ACSF2: variants seen among roughly 807,000 people sequenced by gnomAD.
The protein encoded by ACSF2 is acyl-CoA synthetase family member 2, also known as medium-chain acyl-CoA ligase ACSF2, mitochondrial.
ACSF2 carries 52 observed loss-of-function variants against 79.3 expected under a neutral mutation model. That is an observed-to-expected ratio of 0.66 (90% CI 0.53 to 0.83). ACSF2 has a LOEUF of 0.83. Among genes scored for constraint, ACSF2 ranks in the 40% least tolerant of loss-of-function variants. The probability of loss-of-function intolerance (pLI) is 0.00; values close to 1 mark genes in which losing one functional copy is unlikely to be tolerated. For synonymous variants in ACSF2, 283 were observed against 312.6 expected, an observed-to-expected ratio of 0.91 and a Z score of 1.00; for missense variants, 661 against 803.3, an observed-to-expected ratio of 0.82 and a Z score of 2.14.
At chr17:50,446,933 A>G (rs2031341167) in intron 1 of ACSF2, among the ~76,000 whole-genome samples, 1 of 152,224 alleles carries the variant, frequency 6.6e-6, no homozygotes, top group South Asian at 2.1e-4. Flanking sequence ...AAATGATACA[A>G]ATATCCTAGT....
At chr17:50,429,674 C>T (rs1011180060) in intron 1 of ACSF2, among the ~76,000 whole-genome samples, 18 of 152,102 alleles carry the variant, frequency 1.2e-4, no homozygotes, top group African/African-American at 4.3e-4. Context: ...TGTGCGCCAC[C>T]CGCCCAGCTA....
intron 10 of ACSF2, 93 bp downstream of exon 10, chr17:50,464,387 AAAG>A (rs747145802): frequency 6.2e-6 from 8 of 1,291,794 alleles, no homozygotes; most frequent in Non-Finnish European, 9.0e-6. Flanking sequence ...CCAGATGTTC[AAAG>A]GAGACCCTCT....
rs572925085 is a variant in ACSF2 at position 50,464,777 on chromosome 17, G to T, written c.1215+483G>T. 20 of 331,144 alleles carry T rather than the reference G, an allele frequency of 6.0e-5. No individual in the cohort carries two copies. The East Asian group carries it at 8.6e-4, about 14-fold the overall frequency. The allele number at this position is 331,144 out of a possible 1,614,324, so 20.5% of individuals were successfully genotyped here. A position where few individuals can be genotyped will look rare whatever the true frequency, so the allele number is the denominator to read the frequency against. On this transcript the variant is annotated intron_variant, in intron 10 of 15. Coordinates refer to ENST00000300441, the MANE Select transcript of ACSF2 (RefSeq NM_025149.6). ...TGTGGTTCTGATTGACTTGGGGGGG[G>T]GGTCTCAGCAACAGCTTCTCCAAGA...
chr17:50,434,781 A>G (rs1324644544), intron 1 of ACSF2, among the ~76,000 whole-genome samples: 2 of 152,028 alleles, frequency 1.3e-5, no homozygotes, highest in Admixed American at 1.3e-4. Flanking sequence ...CAGAGGTCAC[A>G]TACTCCTCAG....
At chr17:50,434,992 TC>T (rs1228711254) in intron 1 of ACSF2, among the ~76,000 whole-genome samples, 2 of 152,156 alleles carry the variant, frequency 1.3e-5, no homozygotes, top group African/African-American at 4.8e-5. Context: ...TGCCTCAGCC[TC>T]CCAAGTAGCT....
chr17:50,471,080 A>C lies in ACSF2; in HGVS notation c.1268A>C (p.Glu423Ala). The C allele has an allele frequency of 6.2e-7, 1 of 1,613,952 alleles. No homozygotes were observed. The highest frequency in any genetic ancestry group is 8.5e-7 in the Non-Finnish European group (1 of 1,180,000). Residue 423 changes from glutamate (E) to alanine (A), a missense_variant, in exon 11 of 16, where the codon GAG becomes GCG. Coordinates refer to ENST00000300441, the MANE Select transcript of ACSF2 (RefSeq NM_025149.6). This position sits in a 1 kb window ranked among gnomAD's most constrained non-coding sequence, Gnocchi z 4.1. ...CCCGTGACATTCGCGCACTTCCCTGAGGACACTGTGGAGCAGAAGGCAGAA... is the reference window on the plus strand; with the variant it reads ...CCCGTGACATTCGCGCACTTCCCTGCGGACACTGTGGAGCAGAAGGCAGAA... ...NSPVTFAHFP[E>A]DTVEQKAESV...
intron 11 of ACSF2, chr17:50,472,172 G>A (rs1448879273): frequency 6.3e-6 from 3 of 479,206 alleles, no homozygotes; most frequent in African/African-American, 4.1e-5. Context: ...GCAGCTGCCT[G>A]CCCACTCTGT....
Position 50,462,445 on chromosome 17 carries a change from T to C in ACSF2, c.652T>C (p.Ser218Pro). Residue 218 changes from serine (S) to proline (P), a missense_variant, in exon 6 of 16, where the codon TCG (serine) becomes CCG (proline). By Grantham distance (74) the Ser-to-Pro change is moderately conservative. Transcript: ENST00000300441. ...GCTCCCAGATCTGACCACAGTCATC[T>C]CGGTGGATGCCCCTTTGCCGGGGAC... ...QRLPDLTTVI[S>P]VDAPLPGTLL... The C allele has an allele frequency of 1.3e-6, 2 of 1,591,564 alleles. No individual in the cohort carries two copies. The highest frequency in any genetic ancestry group is 1.7e-6 in the Non-Finnish European group (2 of 1,166,314).
intron 10 of ACSF2, among the ~76,000 whole-genome samples, chr17:50,466,247 C>T (rs572341176): frequency 1.1e-3 from 158 of 144,714 alleles, no homozygotes; most frequent in Non-Finnish European, 2.2e-3. Flanking sequence ...CCACCATGCC[C>T]GGCTAATTTT....
rs1408964002 is a variant in ACSF2, at chr17:50,474,666, A to G, written c.*114A>G. 1.8e-6 allele frequency: 2 copies of G among 1,140,570 alleles called. No individual in the cohort carries two copies. The highest frequency in any genetic ancestry group is 2.6e-6 in the Non-Finnish European group (2 of 774,730). The allele number at this position is 1,140,570 out of a possible 1,614,324, so 70.7% of individuals were successfully genotyped here. On this transcript the variant is annotated 3_prime_UTR_variant, in exon 16 of 16. Coordinates refer to ENST00000300441, the MANE Select transcript of ACSF2 (RefSeq NM_025149.6). This position sits in a 1 kb window ranked among gnomAD's most constrained non-coding sequence, Gnocchi z 4.2. ...CCCAGTTCTGAGCCAGGCACATCAA[A>G]TGTCAAGGAATTGACTGAACGAACT... is the stretch of plus-strand genomic sequence containing the variant.
chr17:50,445,870 C>A (rs1327061054), intron 1 of ACSF2, among the ~76,000 whole-genome samples: 1 of 151,968 alleles, frequency 6.6e-6, no homozygotes, highest in African/African-American at 2.4e-5. Context: ...ATTCAGTAAG[C>A]CATATTCTAA....
intron 1 of ACSF2, among the ~76,000 whole-genome samples, chr17:50,439,492 A>G (rs1391437465): frequency 6.6e-6 from 1 of 152,144 alleles, no homozygotes; most frequent in East Asian, 1.9e-4. Flanking sequence ...AGACCTGTAG[A>G]TCTAAGTTAT....
chr17:50,439,232 CTTTT>C (rs754203020), intron 1 of ACSF2, among the ~76,000 whole-genome samples: 6 of 96,462 alleles, frequency 6.2e-5, no homozygotes, highest in Middle Eastern at 5.7e-3. Flanking sequence ...TACCACACAG[CTTTT>C]TTTTTTTTTT....
chr17:50,474,480 A>G lies in ACSF2; in HGVS notation c.1798-22A>G. 1 of 1,613,388 alleles carries G rather than the reference A, an allele frequency of 6.2e-7. No homozygotes were observed. The highest frequency in any genetic ancestry group is 8.5e-7 in the Non-Finnish European group (1 of 1,179,346). On this transcript the variant is annotated intron_variant, in intron 15 of 15. Coordinates refer to ENST00000300441, the MANE Select transcript of ACSF2 (RefSeq NM_025149.6). This position sits in a 1 kb window ranked among gnomAD's most constrained non-coding sequence, Gnocchi z 4.2. ...GTGAACCAAGACAGCTGGTAACCCT[A>G]ACTCCATTTTCTTTCCTCTAGATCC...
At chr17:50,452,633 G>A (rs1189429186) in intron 1 of ACSF2, among the ~76,000 whole-genome samples, 1 of 151,974 alleles carries the variant, frequency 6.6e-6, no homozygotes, top group Non-Finnish European at 1.5e-5. Flanking sequence ...GTTTACCTGT[G>A]TAACAAACCT....
intron 1 of ACSF2, among the ~76,000 whole-genome samples, chr17:50,437,097 C>T (rs903642003): frequency 3.9e-5 from 6 of 152,120 alleles, no homozygotes; most frequent in Non-Finnish European, 7.3e-5. Flanking sequence ...GGCAAAGGAG[C>T]CCCCCAAGAG....
chr17:50,437,639 G>C (rs2030541637), intron 1 of ACSF2, among the ~76,000 whole-genome samples: 1 of 151,954 alleles, frequency 6.6e-6, no homozygotes, highest in South Asian at 2.1e-4. Flanking sequence ...CTGGGCAACA[G>C]AGTGAGACCC....
chr17:50,459,019 CA>C (rs1214163058), intron 1 of ACSF2, among the ~76,000 whole-genome samples: 11 of 152,218 alleles, frequency 7.2e-5, no homozygotes, highest in African/African-American at 2.7e-4. Context: ...GTACTTGGCA[CA>C]TACGGGTGCT....
rs750707364 is a variant in ACSF2 at position 50,471,027 on chromosome 17, G to C, written c.1216-1G>C. ...TCAAACACCCTTTCTGGACCCTCTAGGTTGCTTATGGAACCACAGAGAACA... is the reference window on the plus strand; with the variant it reads ...TCAAACACCCTTTCTGGACCCTCTACGTTGCTTATGGAACCACAGAGAACA... On this transcript the variant is annotated splice_acceptor_variant, in intron 10 of 15. Transcript: ENST00000300441. LOFTEE classifies it high-confidence loss of function. The surrounding 1 kb of genome is among the most constrained non-coding windows in gnomAD (Gnocchi z 4.1). 9.9e-6 allele frequency: 16 copies of C among 1,613,284 alleles called. No individual in the cohort carries two copies. Among genetic ancestry groups the C allele is most frequent in the Admixed American group, 5.0e-5 (3 of 59,986 alleles).
Sources: gnomAD v4.1 joint callset for allele counts (sites outside exome capture counted in the v4.1 genomes callset) on GRCh38, gnomAD v4.1.1 for gene constraint, Gnocchi (gnomAD v3.1) non-coding constraint, MANE v1.5 for transcripts, NCBI Gene and HGNC (gene_info 2026-07-23, HGNC 2026-07-21) for gene names.